ADAMTS13: variants seen among roughly 807,000 people sequenced by gnomAD.
ADAMTS13 encodes the protein ADAM metallopeptidase with thrombospondin type 1 motif 13, also known as A disintegrin and metalloproteinase with thrombospondin motifs 13.
ADAMTS13 carries 110 observed loss-of-function variants against 155.1 expected under a neutral mutation model. That is an observed-to-expected ratio of 0.71 (90% CI 0.61 to 0.83). The LOEUF (loss-of-function observed/expected upper bound fraction) is 0.83, where lower values mean the gene tolerates loss of function less well. Among genes scored for constraint, ADAMTS13 ranks in the 40% least tolerant of loss-of-function variants. The pLI, the probability that ADAMTS13 is intolerant of heterozygous loss-of-function variation, is 0.00. For missense variants in ADAMTS13, 1,707 were observed against 1,891.7 expected (o/e 0.90, Z 1.81); for synonymous variants, 758 against 756.4 (o/e 1.00, Z -0.03).
At chr9:133,453,412 G>A (rs1842559988) in intron 23 of ADAMTS13, among the ~76,000 whole-genome samples, 1 of 152,180 alleles carries the variant, frequency 6.6e-6, no homozygotes, top group Admixed American at 6.5e-5. Context: ...CTCCAGCCTG[G>A]GTGGTTGCAG....
chr9:133,451,293 T>G (rs980706574), intron 23 of ADAMTS13, among the ~76,000 whole-genome samples: 2 of 152,158 alleles, frequency 1.3e-5, no homozygotes, highest in African/African-American at 4.8e-5. Flanking sequence ...TGAGACGGAG[T>G]CTCGCTTTGT....
Position 133,433,502 on chromosome 9 carries a change from C to T in ADAMTS13, c.1217C>T (p.Thr406Ile), listed in dbSNP as rs1554788148. The change falls in exon 10 of 29, where the codon ACC becomes ATC. Residue 406 changes from threonine (T) to isoleucine (I), a missense_variant. Transcript: ENST00000355699. ...CGCTCCTGCGGAGGAGGTGTGGTCA[C>T]CAGGAGGCGGCAGTGCAACAACCCC... ...CSRSCGGGVV[T>I]RRRQCNNPRP... The T allele has an allele frequency of 1.2e-6, 2 of 1,613,630 alleles. No individual in the cohort carries two copies. Among genetic ancestry groups the T allele is most frequent in the Non-Finnish European group, 1.7e-6 (2 of 1,179,976 alleles).
At chr9:133,447,307 T>C (rs1363929550) in intron 21 of ADAMTS13, among the ~76,000 whole-genome samples, 2 of 152,180 alleles carry the variant, frequency 1.3e-5, no homozygotes, top group East Asian at 3.8e-4. Flanking sequence ...TTTTCTTTTT[T>C]GAGACAAAAA....
chr9:133,456,015 G>A lies in ADAMTS13; in HGVS notation c.3401-54G>A. 1 of 1,611,580 alleles carries A rather than the reference G, an allele frequency of 6.2e-7. No homozygotes were observed. ...CCTCAGCTTGGAAGCCCCGGAGCCTGCCCTGCTGGGAATCGGGGAAGCACT... is the reference window on the plus strand; with the variant it reads ...CCTCAGCTTGGAAGCCCCGGAGCCTACCCTGCTGGGAATCGGGGAAGCACT... On this transcript the variant is annotated intron_variant, in intron 25 of 28. Transcript: ENST00000355699. This position sits in a 1 kb window ranked among gnomAD's most constrained non-coding sequence, Gnocchi z 4.4.
intron 8 of ADAMTS13, 129 bp downstream of exon 8, chr9:133,430,230 G>A (rs1050746608): frequency 1.6e-6 from 2 of 1,270,680 alleles, no homozygotes; most frequent in African/African-American, 3.0e-5. Context: ...AAGCCAGGGC[G>A]GCTTAGTTTA....
chr9:133,433,456 G>C lies in ADAMTS13; in HGVS notation c.1171G>C (p.Gly391Arg). 6.2e-7 allele frequency: 1 copy of C among 1,613,528 alleles called. No homozygotes were observed. The highest frequency in any genetic ancestry group is 8.5e-7 in the Non-Finnish European group (1 of 1,179,962). Residue 391 changes from glycine to arginine, a missense_variant, in exon 10 of 29, where the codon GGT becomes CGT. This residue lies in a region of ADAMTS13 where 733 missense variants were observed against 749.6 expected (regional missense o/e 0.98). Transcript: ENST00000355699. ...AGTGCATGGGCGCTGGTCTAGCTGG[G>C]GTCCCCGAAGTCCTTGCTCCCGCTC... is the stretch of plus-strand genomic sequence containing the variant. ...AAVHGRWSSW[G>R]PRSPCSRSCG...
chr9:133,433,324 G>A lies in ADAMTS13; in HGVS notation c.1093-54G>A, dbSNP rs1421266607. 14 of 1,608,214 alleles carry A rather than the reference G, an allele frequency of 8.7e-6. No individual in the cohort carries two copies. In the East Asian group the frequency reaches 2.9e-4, roughly 33 times the overall value. On this transcript the variant is annotated intron_variant, in intron 9 of 28. Transcript: ENST00000355699. Reference sequence around the variant, plus strand: ...GGGGGACTCTCTGTGTGTGTTGGGAGTCCTGTGGTGGGGTCACTGTGGGAT... The same window carrying A: ...GGGGGACTCTCTGTGTGTGTTGGGAATCCTGTGGTGGGGTCACTGTGGGAT...
intron 23 of ADAMTS13, 114 bp from the exon 24 acceptor site, chr9:133,454,301 C>T (rs1842611394): frequency 7.7e-7 from 1 of 1,302,684 alleles, no homozygotes; most frequent in Non-Finnish European, 1.1e-6. Context: ...CTTGCCTGGC[C>T]ACGGAAGCTG....
chr9:133,448,798 T>C (rs1232211351), intron 22 of ADAMTS13, 70 bp downstream of exon 22: 1 of 1,565,220 alleles, frequency 6.4e-7, no homozygotes, highest in Non-Finnish European at 8.6e-7. Context: ...CTTGGCTCCA[T>C]GCCCGGTGAC....
chr9:133,445,361 C>A lies in ADAMTS13; in HGVS notation c.2610+309C>A, dbSNP rs995659343. On this transcript the variant is annotated intron_variant, in intron 20 of 28. Coordinates refer to ENST00000355699, the MANE Select transcript of ADAMTS13 (RefSeq NM_139027.6). The surrounding 1 kb of genome is among the most constrained non-coding windows in gnomAD (Gnocchi z 5.0). ...CGTCCAGGGGCTGGAGGCTGACTGG[C>A]CTTGCTCTCTGGCCTGGGTGCTGGC... is the stretch of plus-strand genomic sequence containing the variant. 1.3e-5 allele frequency among the ~76,000 whole-genome samples: 2 copies of A among 152,158 alleles called. No homozygotes were observed. Among genetic ancestry groups the A allele is most frequent in the African/African-American group, 4.8e-5 (2 of 41,442 alleles).
intron 8 of ADAMTS13, 98 bp from the exon 9 acceptor site, chr9:133,432,490 G>A: frequency 2.8e-6 from 3 of 1,063,792 alleles, no homozygotes; most frequent in Non-Finnish European, 4.2e-6. Context: ...GGCTGTGTCA[G>A]TGTGTCCTGC....
chr9:133,430,695 A>T (rs3118669), intron 8 of ADAMTS13, among the ~76,000 whole-genome samples: 5,218 of 44,720 alleles, frequency 0.12, 295 homozygotes, highest in African/African-American at 0.25. Context: ...TTTTTTTCCT[A>T]TTTTTTTTTT....
intron 21 of ADAMTS13, among the ~76,000 whole-genome samples, chr9:133,447,661 T>C (rs1842160034): frequency 6.6e-6 from 1 of 152,170 alleles, no homozygotes; most frequent in African/African-American, 2.4e-5. Flanking sequence ...TGATCTTGGC[T>C]CACTGCAACC....
rs781861771 is a variant in ADAMTS13, at chr9:133,415,035, G to T, written n.287+391G>T. 3.2e-6 allele frequency: 5 copies of T among 1,554,126 alleles called. No individual in the cohort carries two copies. The Admixed American group carries it at 8.5e-5, about 26-fold the overall frequency. On this transcript the variant is annotated intron_variant and non_coding_transcript_variant, in intron 1 of 17. Transcript: ENST00000485925. ...CACTGGGACCCAAAATAAAATACAT[G>T]CTGCATTTGAATTTGGAAATTACAC...
chr9:133,458,613 TAG>T (rs1489494982), intron 28 of ADAMTS13, among the ~76,000 whole-genome samples: 1 of 150,798 alleles, frequency 6.6e-6, no homozygotes. Flanking sequence ...CTTTCTGATG[TAG>T]ACTGACAGCT....
chr9:133,452,095 CTTTCTACTGGG>C (rs1842468218), intron 23 of ADAMTS13, among the ~76,000 whole-genome samples: 1 of 149,516 alleles, frequency 6.7e-6, no homozygotes, highest in African/African-American at 2.5e-5. Context: ...TATGTCTGGG[CTTTCTACTGGG>C]TTTTTTTCTT....
At chr9:133,450,115 C>A in intron 23 of ADAMTS13, 150 bp downstream of exon 23, 1 of 875,678 alleles carries the variant, frequency 1.1e-6, no homozygotes, top group Non-Finnish European at 1.7e-6. Context: ...CTGGGCAACA[C>A]AGTGAGACCT....
Position 133,437,766 on chromosome 9 carries a change from C to T in ADAMTS13, c.1453C>T (p.His485Tyr), listed in dbSNP as rs1554789498. The change falls in exon 13 of 29, where the codon CAC becomes TAC. Residue 485 changes from histidine to tyrosine, a missense_variant. Physicochemically the swap from His to Tyr is moderately conservative, Grantham distance 83. Coordinates refer to ENST00000355699, the MANE Select transcript of ADAMTS13 (RefSeq NM_139027.6). ...CCTCCCAGGGGATGCTCTGTGCAGA[C>T]ACATGTGCCGGGCCATTGGCGAGAG... Reference protein sequence around the residue: ...PHSQGDALCRHMCRAIGESFI... With the variant: ...PHSQGDALCRYMCRAIGESFI... 3 of 1,613,916 alleles carry T rather than the reference C, an allele frequency of 1.9e-6. No individual in the cohort carries two copies. Among genetic ancestry groups the T allele is most frequent in the Non-Finnish European group, 2.5e-6 (3 of 1,180,038 alleles).
rs140203037 is a variant in ADAMTS13 at position 133,453,909 on chromosome 9, G to A, written c.3045-506G>A. 3.4e-3 allele frequency among the ~76,000 whole-genome samples: 511 copies of A among 152,222 alleles called. 1 individual carries two copies. Among genetic ancestry groups the A allele is most frequent in the Non-Finnish European group, 4.8e-3 (329 of 68,006 alleles). On this transcript the variant is annotated intron_variant, in intron 23 of 28. Transcript: ENST00000355699. ...GGGTCATGGGGGAGCACAGTATTGC[G>A]ATGAAGATCCCAGCTCCCTTGCAGG...
Sources: gnomAD v4.1 joint callset for allele counts (sites outside exome capture counted in the v4.1 genomes callset) on GRCh38, gnomAD v4.1.1 for gene constraint, gnomAD v4.1.1 regional missense constraint, Gnocchi (gnomAD v3.1) non-coding constraint, MANE v1.5 for transcripts, NCBI Gene and HGNC (gene_info 2026-07-23, HGNC 2026-07-21) for gene names.